Variants in GLB1 observed in about 807,000 individuals in gnomAD.
GLB1 encodes beta-galactosidase.
Under a neutral mutation model 74.0 loss-of-function variants are expected in GLB1, and 56 were observed. The ratio of observed to expected loss-of-function variants is 0.76; its 90% CI spans 0.61 to 0.94. The LOEUF is 0.94. Among genes scored for constraint, GLB1 ranks in the 40% least tolerant of loss-of-function variants. The probability of loss-of-function intolerance (pLI) is 0.00; values close to 1 mark genes in which losing one functional copy is unlikely to be tolerated. For missense variants in GLB1, 787 were observed against 845.5 expected, an observed-to-expected ratio of 0.93 and a Z score of 0.86; for synonymous variants, 323 against 323.6, an observed-to-expected ratio of 1.00 and a Z score of 0.02.
chr3:33,018,634 T>C, intron 12 of GLB1, 73 bp from the exon 13 acceptor site: 2 of 1,472,038 alleles, frequency 1.4e-6, no homozygotes, highest in Non-Finnish European at 1.9e-6. Flanking sequence ...ACCCTAGACA[T>C]GTATGAAAGC....
At chr3:32,989,042 C>T in the GLB1 span, among the ~76,000 whole-genome samples, 2 of 152,170 alleles carry the variant, frequency 1.3e-5, no homozygotes, top group Non-Finnish European at 2.9e-5. Context: ...TGGTCCACTA[C>T]AAATAAACTC....
chr3:33,038,347 G>GT (rs1279775086), intron 10 of GLB1, among the ~76,000 whole-genome samples: 1 of 152,238 alleles, frequency 6.6e-6, no homozygotes, highest in Non-Finnish European at 1.5e-5. Flanking sequence ...TGCTCTGAAG[G>GT]TTAACACCTT....
At chr3:33,026,377 A>G (rs1697756442) in intron 10 of GLB1, among the ~76,000 whole-genome samples, 1 of 152,156 alleles carries the variant, frequency 6.6e-6, no homozygotes, top group Non-Finnish European at 1.5e-5. Flanking sequence ...TTGGGCACCG[A>G]TGAGCACAGG....
chr3:33,092,615 G>A (rs757811652), intron 1 of GLB1: 77 of 1,360,840 alleles, frequency 5.7e-5, no homozygotes, highest in Non-Finnish European at 7.3e-5. Context: ...GATCTCACAA[G>A]TGCATCAAAA....
rs958654696 is a variant in GLB1, at chr3:33,043,537, A to G, written c.1068+2583T>C. Among the ~76,000 whole-genome samples, 78 of 152,176 alleles carry G rather than the reference A, an allele frequency of 5.1e-4. 1 individual carries two copies. Among genetic ancestry groups the G allele is most frequent in the African/African-American group, 1.7e-3 (70 of 41,432 alleles). ...AACAAAAAACCTCAATCTAAAAGAA[A>G]GCAATAAAGGGAAAGAAAGAGCCAA... On this transcript the variant is annotated intron_variant, in intron 10 of 15. Coordinates refer to ENST00000307363, the MANE Select transcript of GLB1 (RefSeq NM_000404.4).
rs568305343 is a variant in GLB1, at chr3:33,071,244, C to T, written c.245+1300G>A. ...CAGAACTCACTGTCGGAATTATAAACAGGTGAACTTGGGTTCACTCTGCCA... is the reference window on the plus strand; with the variant it reads ...CAGAACTCACTGTCGGAATTATAAATAGGTGAACTTGGGTTCACTCTGCCA... On this transcript the variant is annotated intron_variant, in intron 2 of 15. Transcript: ENST00000307363. 4.6e-5 allele frequency among the ~76,000 whole-genome samples: 7 copies of T among 152,336 alleles called. No individual in the cohort carries two copies. In the South Asian group the frequency reaches 1.2e-3, roughly 27 times the overall value.
intron 14 of GLB1, 143 bp downstream of exon 14, chr3:33,016,566 G>A: frequency 7.1e-7 from 1 of 1,408,726 alleles, no homozygotes; most frequent in Non-Finnish European, 9.8e-7. Context: ...TACCCAGGCT[G>A]GTCTTGAACT....
At chr3:32,993,348 A>G (rs1200667196), downstream of GLB1, among the ~76,000 whole-genome samples, 1 of 151,838 alleles carries the variant, frequency 6.6e-6, no homozygotes, top group Non-Finnish European at 1.5e-5. Flanking sequence ...AAATCTGCAA[A>G]TTCTAAGTGT....
At chr3:33,038,962 A>G (rs938179389) in intron 10 of GLB1, among the ~76,000 whole-genome samples, 4 of 152,068 alleles carry the variant, frequency 2.6e-5, no homozygotes, top group Non-Finnish European at 5.9e-5. Context: ...AACCCAACAT[A>G]TAGGAGACAA....
chr3:33,090,120 ACTAG>A (rs2125580519), intron 1 of GLB1, among the ~76,000 whole-genome samples: 1 of 152,324 alleles, frequency 6.6e-6, no homozygotes, highest in South Asian at 2.1e-4. Flanking sequence ...AAATCTCCTA[ACTAG>A]CTATTAGATG....
At chr3:33,025,305 T>G (rs1346488454) in intron 10 of GLB1, among the ~76,000 whole-genome samples, 2 of 152,170 alleles carry the variant, frequency 1.3e-5, no homozygotes, top group Non-Finnish European at 2.9e-5. Flanking sequence ...TCTGAAACTA[T>G]TTTTCAAAAT....
intron 15 of GLB1, among the ~76,000 whole-genome samples, chr3:33,004,377 T>C (rs1696702964): frequency 6.6e-6 from 1 of 152,210 alleles, no homozygotes; most frequent in Non-Finnish European, 1.5e-5. Flanking sequence ...AATAAACTGT[T>C]GTCGTTTTAA....
At position 32,996,840 on chromosome 3, in the gene GLB1, C is replaced by T; in HGVS notation, c.*205G>A. On this transcript the variant is annotated 3_prime_UTR_variant, in exon 16 of 16. Transcript: ENST00000307363. ...GCCCTGCAGATATGTATGCACGTTACTGTGCTGTCAGCCCCTCACACATTC... is the reference window on the plus strand; with the variant it reads ...GCCCTGCAGATATGTATGCACGTTATTGTGCTGTCAGCCCCTCACACATTC... The T allele has an allele frequency of 1.2e-6, 1 of 807,482 alleles. No homozygotes were observed. The highest frequency in any genetic ancestry group is 1.9e-6 in the Non-Finnish European group (1 of 518,998). 50.0% of individuals were successfully genotyped at this position (807,482 alleles called of 1,614,324 possible).
At chr3:33,041,514 T>G (rs1359340825) in intron 10 of GLB1, among the ~76,000 whole-genome samples, 1 of 151,692 alleles carries the variant, frequency 6.6e-6, no homozygotes, top group Non-Finnish European at 1.5e-5. Flanking sequence ...ATACAAAAAT[T>G]AGCCAGGTGT....
intron 1 of GLB1, chr3:33,092,932 A>C: frequency 1.2e-6 from 2 of 1,614,210 alleles, no homozygotes; most frequent in Non-Finnish European, 1.7e-6. Flanking sequence ...ACATACACGA[A>C]TGTAGCCTGG....
intron 4 of GLB1, 49 bp from the exon 5 acceptor site, chr3:33,065,606 AAGCCACATGC>A (rs1321264360): frequency 6.5e-7 from 1 of 1,546,470 alleles, no homozygotes; most frequent in Non-Finnish European, 8.8e-7. Flanking sequence ...CCCAGCCTGT[AAGCCACATGC>A]AGCCCAGGAT....
At chr3:33,092,993 G>A (rs146661602) in intron 1 of GLB1, 252 of 1,614,232 alleles carry the variant, frequency 1.6e-4, no homozygotes, top group Non-Finnish European at 1.8e-4. Context: ...AGGCTGCTAC[G>A]TTCAAGGGGA....
chr3:33,046,361 A>G, intron 9 of GLB1, 129 bp from the exon 10 acceptor site: 1 of 1,063,832 alleles, frequency 9.4e-7, no homozygotes, highest in Non-Finnish European at 1.4e-6. Context: ...TTGTTGGGAG[A>G]CACAGACGTG....
At chr3:32,987,430 C>T in the GLB1 span, among the ~76,000 whole-genome samples, 3 of 152,188 alleles carry the variant, frequency 2.0e-5, no homozygotes, top group East Asian at 1.9e-4. Flanking sequence ...GCACCCTTCC[C>T]TCACTTCCTT....
Sources: allele counts gnomAD v4.1 joint callset (sites outside exome capture counted in the v4.1 genomes callset), GRCh38; gene constraint gnomAD v4.1.1; transcripts MANE v1.5; gene names NCBI Gene and HGNC (gene_info 2026-07-23, HGNC 2026-07-21).